The following TBXAS1 variants were observed in gnomAD, a reference collection of about 807,000 sequenced individuals.
TBXAS1 encodes thromboxane A synthase 1.
TBXAS1 carries 48 observed loss-of-function variants against 60.7 expected under a neutral mutation model. The ratio of observed to expected loss-of-function variants is 0.79; its 90% CI spans 0.63 to 1.01. The LOEUF is 1.01. TBXAS1 is among the 50% of genes least tolerant of loss of function. The pLI is 0.00. For synonymous variants in TBXAS1, 287 were observed against 269.7 expected (o/e 1.06, Z -0.63); for missense variants, 685 against 686.3 (o/e 1.00, Z 0.02).
In TBXAS1 at chr7:139,955,457, AG is replaced by A. The variant is rs767660162; in HGVS notation, c.540del. On this transcript the variant is annotated splice_acceptor_variant, in intron 6 of 12. Transcript: ENST00000448866. LOFTEE classifies it high-confidence loss of function. ...AGATCTCTGTGCTCCCATCTCCCGT[AG>A]GTGCTACTGCAATTACACCACAGAT... 1.9e-5 allele frequency: 30 copies of A among 1,614,104 alleles called. No individual in the cohort carries two copies. The African/African-American group carries it at 3.6e-4, about 19-fold the overall frequency.
intron 1 of TBXAS1, among the ~76,000 whole-genome samples, chr7:139,845,207 A>C (rs1246774094): frequency 6.6e-6 from 1 of 152,098 alleles, no homozygotes; most frequent in African/African-American, 2.4e-5. Context: ...CTGCAACTGC[A>C]GCCACCGGCT....
At chr7:139,964,781 C>T (rs944067996) in intron 9 of TBXAS1, among the ~76,000 whole-genome samples, 3 of 152,206 alleles carry the variant, frequency 2.0e-5, no homozygotes, top group Admixed American at 1.3e-4. Context: ...CACAGGCCTG[C>T]AGGGCAGTAG....
rs1448876968 is a variant in TBXAS1 at position 139,962,214 on chromosome 7, A to G, written c.1115A>G (p.Asp372Gly). The change falls in exon 9 of 13, where the codon GAC (aspartate) becomes GGC (glycine). Residue 372 changes from aspartate to glycine, a missense_variant. Transcript: ENST00000448866. ...CAAGAGAAGCTTCTGAGAGAGGTAGACGTTTTTAAGGAGAAACACGTGAGT... is the reference window on the plus strand; with the variant it reads ...CAAGAGAAGCTTCTGAGAGAGGTAGGCGTTTTTAAGGAGAAACACGTGAGT... ...DCQEKLLREVDVFKEKHMAPE... is the reference protein window; with the variant it reads ...DCQEKLLREVGVFKEKHMAPE... 3 of 1,614,202 alleles carry G rather than the reference A, an allele frequency of 1.9e-6. No individual in the cohort carries two copies.
At chr7:139,986,701 T>C (rs1441474422) in intron 9 of TBXAS1, among the ~76,000 whole-genome samples, 2 of 148,358 alleles carry the variant, frequency 1.3e-5, no homozygotes, top group African/African-American at 2.5e-5. Context: ...CATTCCTTTT[T>C]ATGGCTGAGT....
intron 5 of TBXAS1, 41 bp downstream of exon 5, chr7:139,936,348 A>T: frequency 3.1e-6 from 5 of 1,594,562 alleles, no homozygotes; most frequent in Non-Finnish European, 4.3e-6. Flanking sequence ...CTTACGGAGC[A>T]GGTTTCTTCT....
chr7:139,891,480 G>A (rs761595875), intron 3 of TBXAS1, among the ~76,000 whole-genome samples: 6 of 152,088 alleles, frequency 3.9e-5, no homozygotes, highest in Non-Finnish European at 5.9e-5. Flanking sequence ...TAAGAGGTGT[G>A]AGCAGAGTTG....
intron 4 of TBXAS1, among the ~76,000 whole-genome samples, chr7:139,788,294 C>G (rs911799551): frequency 6.6e-6 from 1 of 152,220 alleles, no homozygotes; most frequent in South Asian, 2.1e-4. Flanking sequence ...TTATCTTATT[C>G]TGCTATATCT....
chr7:139,789,776 GCCTGCCACCA>G (rs1393633221), intron 4 of TBXAS1, among the ~76,000 whole-genome samples: 1 of 151,876 alleles, frequency 6.6e-6, no homozygotes, highest in African/African-American at 2.4e-5. Flanking sequence ...GATCACAGGT[GCCTGCCACCA>G]CACCCGGCTA....
intron 1 of TBXAS1, among the ~76,000 whole-genome samples, chr7:139,869,095 A>C (rs1342523632): frequency 6.6e-6 from 1 of 152,158 alleles, no homozygotes; most frequent in African/African-American, 2.4e-5. Flanking sequence ...CACCACACCC[A>C]GACCACCAGA....
intron 1 of TBXAS1, among the ~76,000 whole-genome samples, chr7:139,834,351 A>C (rs757208021): frequency 6.6e-6 from 1 of 152,214 alleles, no homozygotes; most frequent in Non-Finnish European, 1.5e-5. Context: ...AAACACCTAC[A>C]TCAAAAAGTC....
At chr7:139,815,265 A>G (rs772950069) in intron 4 of TBXAS1, among the ~76,000 whole-genome samples, 2 of 152,202 alleles carry the variant, frequency 1.3e-5, no homozygotes, top group Admixed American at 6.5e-5. Flanking sequence ...CAGACAGACA[A>G]ACAGGGTGCT....
chr7:139,793,789 A>G (rs181934732), intron 4 of TBXAS1, among the ~76,000 whole-genome samples: 16 of 152,384 alleles, frequency 1.0e-4, no homozygotes, highest in African/African-American at 3.4e-4. Flanking sequence ...TTTCGCATTC[A>G]TGATTCAGAG....
chr7:139,848,358 T>C (rs1585623176), intron 1 of TBXAS1, among the ~76,000 whole-genome samples: 1 of 152,146 alleles, frequency 6.6e-6, no homozygotes, highest in Non-Finnish European at 1.5e-5. Context: ...AGAAAAAAAG[T>C]TGTGCATCAT....
At chr7:139,986,524 T>C (rs1447855192) in intron 9 of TBXAS1, among the ~76,000 whole-genome samples, 1 of 149,174 alleles carries the variant, frequency 6.7e-6, no homozygotes, top group East Asian at 2.0e-4. Flanking sequence ...CCTTCCCACC[T>C]CTCCCCCCAA....
At chr7:139,836,139 T>A (rs1275675623) in intron 1 of TBXAS1, among the ~76,000 whole-genome samples, 1 of 151,824 alleles carries the variant, frequency 6.6e-6, no homozygotes, top group Non-Finnish European at 1.5e-5. Flanking sequence ...CAGGGAAAAC[T>A]ACAAAATGCT....
chr7:139,845,506 C>T (rs545389326), intron 1 of TBXAS1, among the ~76,000 whole-genome samples: 1 of 152,242 alleles, frequency 6.6e-6, no homozygotes, highest in African/African-American at 2.4e-5. Flanking sequence ...CCCCAATGTA[C>T]CTGGTACCTT....
chr7:139,784,022 T>TG (rs1287831760), intron 3 of TBXAS1, among the ~76,000 whole-genome samples: 22 of 151,454 alleles, frequency 1.5e-4, no homozygotes, highest in Non-Finnish European at 1.3e-4. Flanking sequence ...TTTTTTTTTT[T>TG]TTTGTATTTT....
At chr7:139,977,368 G>A (rs1811639702) in intron 9 of TBXAS1, among the ~76,000 whole-genome samples, 1 of 152,120 alleles carries the variant, frequency 6.6e-6, no homozygotes, top group Admixed American at 6.5e-5. Context: ...AAAACCATCA[G>A]ATCTCGTGAG....
At chr7:140,011,168 A>T (rs146193019) in intron 10 of TBXAS1, among the ~76,000 whole-genome samples, 2,710 of 151,840 alleles carry the variant, frequency 0.018, 53 homozygotes, top group African/African-American at 0.037. Flanking sequence ...TCCCAGCTAC[A>T]AGGGAGGCTA....
Sources: allele counts gnomAD v4.1 joint callset (sites outside exome capture counted in the v4.1 genomes callset), GRCh38; gene constraint gnomAD v4.1.1; transcripts MANE v1.5; gene names NCBI Gene and HGNC (gene_info 2026-07-23, HGNC 2026-07-21).